PPP4R3B: variants seen among roughly 807,000 people sequenced by gnomAD.
PPP4R3B encodes the protein protein phosphatase 4 regulatory subunit 3B, also known as serine/threonine-protein phosphatase 4 regulatory subunit 3B.
PPP4R3B carries 52 observed loss-of-function variants against 95.4 expected under a neutral mutation model. The observed-to-expected ratio is 0.54, with a 90% confidence interval of 0.44 to 0.69. The LOEUF is 0.69. Among genes scored for constraint, PPP4R3B ranks in the 30% least tolerant of loss-of-function variants. The pLI is 0.00. For missense variants in PPP4R3B, 1,003 were observed against 1,005.9 expected (o/e 1.00, Z 0.04); for synonymous variants, 407 against 343.9 (o/e 1.18, Z -2.03).
In PPP4R3B at chr2:55,585,181, A is replaced by G. The variant is rs370476865; in HGVS notation, c.1117-14T>C. The G allele has an allele frequency of 3.8e-5, 59 of 1,568,326 alleles. No individual in the cohort carries two copies. The African/African-American group carries it at 7.5e-4, about 20-fold the overall frequency. On this transcript the variant is annotated splice_polypyrimidine_tract_variant and intron_variant, in intron 6 of 16. Transcript: ENST00000616407. ...ATCATCCATGCCCTGATAAAAGGAAAATTAGGTTACTTAGAGACTGTTAAC... is the reference window on the plus strand; with the variant it reads ...ATCATCCATGCCCTGATAAAAGGAAGATTAGGTTACTTAGAGACTGTTAAC...
At chr2:55,615,415 TG>T in intron 2 of PPP4R3B, 35 bp downstream of exon 2, 1 of 1,438,458 alleles carries the variant, frequency 7.0e-7, no homozygotes. Flanking sequence ...TGATCACAGA[TG>T]AAGTCTTTCA....
At chr2:55,555,776 A>G (rs996860208) in intron 16 of PPP4R3B, among the ~76,000 whole-genome samples, 3 of 152,212 alleles carry the variant, frequency 2.0e-5, no homozygotes, top group African/African-American at 7.2e-5. Flanking sequence ...TTTAAGTTCT[A>G]TGCAGGAAAT....
At chr2:55,606,844 T>TA (rs1693485574) in intron 2 of PPP4R3B, among the ~76,000 whole-genome samples, 5 of 137,782 alleles carry the variant, frequency 3.6e-5, no homozygotes, top group African/African-American at 1.1e-4. Context: ...AAAAAAAAAG[T>TA]AAAAAAAATT....
At position 55,581,585 on chromosome 2, in the gene PPP4R3B, G is replaced by A; in HGVS notation, c.1347C>T (p.Asn449=). The A allele has an allele frequency of 6.2e-7, 1 of 1,612,454 alleles. No individual in the cohort carries two copies. The highest frequency in any genetic ancestry group is 1.3e-5 in the African/African-American group (1 of 74,966). Residue 449 remains asparagine (N), a synonymous_variant, in exon 8 of 17, where the codon AAC becomes AAT. Coordinates refer to ENST00000616407, the MANE Select transcript of PPP4R3B (RefSeq NM_001122964.3). ...GLLRTLIDPE[N]MLATTNKTEK... ...TTCTTACATTAGTTGTAGCCAGCAT[G>A]TTCTCTGGATCAATTAGAGTACGAA...
rs551942162 is a variant in PPP4R3B at position 55,585,642 on chromosome 2, T to C, written c.1117-475A>G. Among the ~76,000 whole-genome samples, 6 of 152,306 alleles carry C rather than the reference T, an allele frequency of 3.9e-5. No individual in the cohort carries two copies. In the East Asian group the frequency reaches 1.2e-3, roughly 29 times the overall value. On this transcript the variant is annotated intron_variant, in intron 6 of 16. Transcript: ENST00000616407. ...AGAGCATGCTTTTGAAAACTCTTTT[T>C]GGGCATTTCTACCCTTTTCTGCAAC...
chr2:55,601,635 C>A (rs970303586), intron 3 of PPP4R3B, among the ~76,000 whole-genome samples: 4 of 152,108 alleles, frequency 2.6e-5, no homozygotes, highest in African/African-American at 9.7e-5. Flanking sequence ...CTGCCTCGGC[C>A]TCCCAAAGTG....
At chr2:55,585,630 G>A (rs1690033961) in intron 6 of PPP4R3B, among the ~76,000 whole-genome samples, 1 of 152,068 alleles carries the variant, frequency 6.6e-6, no homozygotes, top group Non-Finnish European at 1.5e-5. Context: ...GCATGCTTTT[G>A]AAAACTCTTT....
rs541432430 is a variant in PPP4R3B, at chr2:55,617,466, G to A, written c.-181C>T. 2 of 611,376 alleles carry A rather than the reference G, an allele frequency of 3.3e-6. No individual in the cohort carries two copies. Among genetic ancestry groups the A allele is most frequent in the African/African-American group, 1.9e-5 (1 of 53,400 alleles). The allele number at this position is 611,376 out of a possible 1,614,324, so 37.9% of individuals were successfully genotyped here. A position where few individuals can be genotyped will look rare whatever the true frequency, so the allele number is the denominator to read the frequency against. On this transcript the variant is annotated 5_prime_UTR_variant, in exon 1 of 17. Transcript: ENST00000616407. ...AGAAGGGGTGACAAGAGCCACTGAG[G>A]CCTCTCCGCCCGGAGGCCCCGTTAC... is the stretch of plus-strand genomic sequence containing the variant.
intron 15 of PPP4R3B, among the ~76,000 whole-genome samples, chr2:55,563,833 C>A (rs945469885): frequency 6.6e-6 from 1 of 152,100 alleles, no homozygotes. Context: ...CATCTGAAAG[C>A]CAGGGGAAGT....
At chr2:55,593,779 TTC>T (rs1691362908) in intron 4 of PPP4R3B, among the ~76,000 whole-genome samples, 1 of 152,214 alleles carries the variant, frequency 6.6e-6, no homozygotes, top group South Asian at 2.1e-4. Flanking sequence ...ACAATCTTAT[TTC>T]TTTCCTTTTC....
intron 16 of PPP4R3B, among the ~76,000 whole-genome samples, chr2:55,557,298 T>C (rs1240114261): frequency 6.6e-6 from 1 of 152,124 alleles, no homozygotes; most frequent in African/African-American, 2.4e-5. Flanking sequence ...GCTCAAACCA[T>C]TCTCCTGCCT....
rs199629271 is a variant in PPP4R3B at position 55,617,180 on chromosome 2, T to C, written c.106A>G (p.Lys36Glu). 1 of 1,613,550 alleles carries C rather than the reference T, an allele frequency of 6.2e-7. No homozygotes were observed. Among genetic ancestry groups the C allele is most frequent in the East Asian group, 2.2e-5 (1 of 44,836 alleles). Residue 36 changes from lysine to glutamate, a missense_variant, in exon 1 of 17, where the codon AAG becomes GAG. Coordinates refer to ENST00000616407, the MANE Select transcript of PPP4R3B (RefSeq NM_001122964.3). The part of the protein sequence containing the change: ...HVSSTYVEEL[K>E]GMSLLVRAES... The stretch of plus-strand genomic sequence containing the variant: ...GCCCGAACCAGCAGCGACATCCCCT[T>C]GAGCTCCTCCACGTAAGTGGAGGAG...
At chr2:55,615,190 G>C in intron 2 of PPP4R3B, 1 of 386,592 alleles carries the variant, frequency 2.6e-6, no homozygotes, top group Non-Finnish European at 4.7e-6. Flanking sequence ...GTATAGAAGA[G>C]ACTTGGCTAA....
chr2:55,564,337 C>T lies in PPP4R3B; in HGVS notation c.2236G>A (p.Glu746Lys). The change falls in exon 15 of 17, where the codon GAA becomes AAA. Residue 746 changes from glutamate (E) to lysine (K), a missense_variant. Transcript: ENST00000616407. ...KPEDDFPDNY[E>K]KFMETKKAKE... ...CCTTTTTTAGTCTCCATAAACTTTT[C>T]ATAATTATCTGGAAAATCATCTTCT... The T allele has an allele frequency of 1.2e-6, 2 of 1,613,402 alleles. No individual in the cohort carries two copies. Among genetic ancestry groups the T allele is most frequent in the Middle Eastern group, 3.3e-4 (2 of 6,054 alleles).
At chr2:55,556,102 G>C (rs1361354196) in intron 16 of PPP4R3B, among the ~76,000 whole-genome samples, 1 of 152,332 alleles carries the variant, frequency 6.6e-6, no homozygotes, top group East Asian at 1.9e-4. Flanking sequence ...GGCAATTGGT[G>C]ATAAAGAATC....
In PPP4R3B at chr2:55,552,243, A is replaced by G. The variant is rs1685332774; in HGVS notation, c.2455-2237T>C. On this transcript the variant is annotated intron_variant, in intron 16 of 16. Coordinates refer to ENST00000616407, the MANE Select transcript of PPP4R3B (RefSeq NM_001122964.3). The stretch of plus-strand genomic sequence containing the variant: ...AGATGCACTTTGTGAAGCTGATTCC[A>G]TACTTTTAATATGTATCTAGAAATG... Among the ~76,000 whole-genome samples the G allele has an allele frequency of 2.0e-5, 3 of 152,216 alleles. No individual in the cohort carries two copies. The South Asian group carries it at 6.2e-4, about 31-fold the overall frequency.
At position 55,568,376 on chromosome 2, in the gene PPP4R3B, A is replaced by C. The variant is rs1687568562; in HGVS notation, c.1766-13T>G. 1.9e-6 allele frequency: 3 copies of C among 1,577,788 alleles called. No individual in the cohort carries two copies. Among genetic ancestry groups the C allele is most frequent in the Non-Finnish European group, 2.6e-6 (3 of 1,163,716 alleles). On this transcript the variant is annotated splice_polypyrimidine_tract_variant and intron_variant, in intron 12 of 16. Transcript: ENST00000616407. ...AAGCGAAGGGCACCTAATTAAAAAT[A>C]ATATAGGGAATAAGTTAATGATCTT...
intron 4 of PPP4R3B, among the ~76,000 whole-genome samples, chr2:55,595,449 G>C (rs1022114158): frequency 2.0e-5 from 3 of 151,918 alleles, no homozygotes; most frequent in African/African-American, 4.8e-5. Flanking sequence ...AACACAGTGA[G>C]ATCCTGTCTC....
chr2:55,558,115 G>A (rs1686088565), intron 16 of PPP4R3B, among the ~76,000 whole-genome samples: 1 of 152,114 alleles, frequency 6.6e-6, no homozygotes, highest in Non-Finnish European at 1.5e-5. Context: ...TGGCAAAGCT[G>A]CAATTGGCCA....
Sources: allele counts gnomAD v4.1 joint callset (sites outside exome capture counted in the v4.1 genomes callset), GRCh38; gene constraint gnomAD v4.1.1; transcripts MANE v1.5; gene names NCBI Gene and HGNC (gene_info 2026-07-23, HGNC 2026-07-21).